RAB37: variants seen among roughly 807,000 people sequenced by gnomAD.
RAB37 encodes the protein RAB37, member RAS oncogene family.
In RAB37, 29 loss-of-function variants were observed where a neutral mutation model predicts 33.1. That is an observed-to-expected ratio of 0.88 (90% confidence interval 0.65 to 1.20). The LOEUF (loss-of-function observed/expected upper bound fraction) is 1.20. RAB37 is among the 50% of genes most tolerant of loss of function. The pLI is 0.00. For missense variants in RAB37, 299 were observed against 301.1 expected, an observed-to-expected ratio of 0.99 and a Z score of 0.05; for synonymous variants, 128 against 119.5, an observed-to-expected ratio of 1.07 and a Z score of -0.47.
intron 1 of RAB37, among the ~76,000 whole-genome samples, chr17:74,705,859 T>G (rs1275701531): frequency 4.6e-5 from 7 of 152,186 alleles, no homozygotes; most frequent in Non-Finnish European, 8.8e-5. Flanking sequence ...CCTCACAAAG[T>G]GTTGGGATTA....
rs1452370577 is a variant in RAB37, at chr17:74,729,341, C to T, written c.158C>T (p.Ser53Leu). 2.5e-6 allele frequency: 4 copies of T among 1,613,992 alleles called. No individual in the cohort carries two copies. Among genetic ancestry groups the T allele is most frequent in the Admixed American group, 3.3e-5 (2 of 60,012 alleles). ...GGCAAGTTCATCCCCGGCTCCTTCT[C>T]GGCCACTGTGGGCATCGGATTCACG... Residue 53 changes from serine (S) to leucine (L), a missense_variant, in exon 2 of 8, where the codon TCG (serine) becomes TTG (leucine). Coordinates refer to the RAB37 transcript ENST00000340415. This position sits in a 1 kb window ranked among gnomAD's most constrained non-coding sequence, Gnocchi z 4.2.
intron 1 of RAB37, among the ~76,000 whole-genome samples, chr17:74,696,968 T>C (rs897637310): frequency 2.0e-5 from 3 of 151,992 alleles, no homozygotes; most frequent in African/African-American, 7.3e-5. Context: ...TGAGATGGAG[T>C]TTCTCTCTTG....
At chr17:74,704,540 C>T in intron 1 of RAB37, 1 of 1,614,170 alleles carries the variant, frequency 6.2e-7, no homozygotes, top group Non-Finnish European at 8.5e-7. Flanking sequence ...AATTCCACAC[C>T]AGTAAGTGTC....
chr17:74,695,629 C>A, intron 1 of RAB37: 1 of 1,558,926 alleles, frequency 6.4e-7, no homozygotes, highest in Non-Finnish European at 8.8e-7. Flanking sequence ...CCTCTATGCC[C>A]ACATGAGCAG....
chr17:74,728,414 CTA>C (rs1567809689), intron 1 of RAB37, among the ~76,000 whole-genome samples: 1 of 150,324 alleles, frequency 6.7e-6, no homozygotes, highest in African/African-American at 2.4e-5. Context: ...TGTGTTCTTT[CTA>C]TGTGTGCATG....
intron 1 of RAB37, among the ~76,000 whole-genome samples, chr17:74,737,669 A>C (rs2034513550): frequency 6.6e-6 from 1 of 152,148 alleles, no homozygotes; most frequent in African/African-American, 2.4e-5. Flanking sequence ...GTGAGGGTTA[A>C]GCGCGCAACT....
intron 1 of RAB37, chr17:74,705,358 C>T (rs997583184): frequency 4.1e-5 from 27 of 658,668 alleles, no homozygotes; most frequent in East Asian, 8.3e-5. Context: ...AAAACAGCAA[C>T]GGCAACTGGT....
intron 1 of RAB37, among the ~76,000 whole-genome samples, chr17:74,725,928 T>G (rs144900433): frequency 1.5e-4 from 23 of 151,872 alleles, no homozygotes; most frequent in African/African-American, 4.6e-4. Context: ...TGTCAATAGA[T>G]TTCTAATGCT....
chr17:74,673,019 T>G (rs1384827246), intron 1 of RAB37: 1 of 152,202 alleles, frequency 6.6e-6, no homozygotes, highest in Non-Finnish European at 1.5e-5. Flanking sequence ...GTATAACAAC[T>G]ATCCCAGTCT....
intron 1 of RAB37, 30 bp from the exon 2 acceptor site, chr17:74,740,738 C>G: frequency 6.8e-7 from 1 of 1,474,010 alleles, no homozygotes; most frequent in Non-Finnish European, 9.5e-7. Context: ...CCCTGACTCC[C>G]CATTAACTGC....
intron 1 of RAB37, chr17:74,695,719 A>G: frequency 6.2e-7 from 1 of 1,614,040 alleles, no homozygotes. Context: ...CCCATGGAGG[A>G]CGCACCATGG....
rs534120632 is a variant in RAB37 at position 74,745,337 on chromosome 17, G to A, written c.598G>A (p.Asp200Asn). 1.8e-5 allele frequency: 29 copies of A among 1,614,028 alleles called. No individual in the cohort carries two copies. The highest frequency in any genetic ancestry group is 2.4e-5 in the Non-Finnish European group (28 of 1,180,048). ...GAAATACCGGGCCGGGCATCAGGCG[G>A]ATGAGCCCAGCTTCCAGATCCGAGA... ...ELKYRAGHQA[D>N]EPSFQIRDYV... Residue 200 changes from aspartate to asparagine, a missense_variant, in exon 9 of 9, where the codon GAT (aspartate) becomes AAT (asparagine). Asp to Asn is a conservative substitution (Grantham distance 23). Coordinates refer to ENST00000392613, the MANE Select transcript of RAB37 (RefSeq NM_001006638.3). This position sits in a 1 kb window ranked among gnomAD's most constrained non-coding sequence, Gnocchi z 4.5.
intron 1 of RAB37, among the ~76,000 whole-genome samples, chr17:74,713,816 A>T (rs2034106041): frequency 6.8e-6 from 1 of 146,926 alleles, no homozygotes. Context: ...TAATCTCAGC[A>T]CTTTAGGAGG....
chr17:74,704,771 C>G, intron 1 of RAB37: 4 of 1,614,118 alleles, frequency 2.5e-6, no homozygotes, highest in Non-Finnish European at 3.4e-6. Flanking sequence ...CCGCTCCAAG[C>G]CATTCACTGT....
In RAB37 at chr17:74,677,023, G is replaced by A. The variant is rs184965776; in HGVS notation, c.72+5365G>A. ...AAATTAGTCAGCCGTGGTGGTGCAC[G>A]CCTGAAATCCCAGCTACTCAGGAGG... On this transcript the variant is annotated intron_variant, in intron 1 of 7. Transcript: ENST00000340415. Among the ~76,000 whole-genome samples, 68 of 152,068 alleles carry A rather than the reference G, an allele frequency of 4.5e-4. 1 individual carries two copies. In the South Asian group the frequency reaches 4.6e-3, roughly 10 times the overall value.
intron 1 of RAB37, among the ~76,000 whole-genome samples, chr17:74,688,271 C>T (rs142913527): frequency 3.2e-4 from 48 of 152,160 alleles, no homozygotes; most frequent in Middle Eastern, 3.4e-3. Flanking sequence ...AGGAATTGGC[C>T]GGGCGTGGTG....
At position 74,729,112 on chromosome 17, in the gene RAB37, CTT is replaced by C. The variant is rs1491498013; in HGVS notation, c.73-143_73-142del. Reference sequence around the variant, plus strand: ...TATGTCTGTATGTGTGTGTCAGTGTCTTGTGTGTGTGTGTTTCTGTGTGTGTG... The same window carrying C: ...TATGTCTGTATGTGTGTGTCAGTGTCGTGTGTGTGTGTTTCTGTGTGTGTG... On this transcript the variant is annotated intron_variant, in intron 1 of 7. Transcript: ENST00000340415. This position sits in a 1 kb window ranked among gnomAD's most constrained non-coding sequence, Gnocchi z 4.2. The C allele has an allele frequency of 1.5e-6, 1 of 668,076 alleles. No homozygotes were observed. Among genetic ancestry groups the C allele is most frequent in the South Asian group, 1.6e-5 (1 of 61,032 alleles). 41.4% of individuals were successfully genotyped at this position (668,076 alleles called of 1,614,324 possible).
At position 74,715,253 on chromosome 17, in the gene RAB37, C is replaced by T. The variant is rs566372462; in HGVS notation, c.73-14003C>T. On this transcript the variant is annotated intron_variant, in intron 1 of 7. Coordinates refer to the RAB37 transcript ENST00000340415. ...CAAGGGAGTGAGTCTCAAAGAGGGA[C>T]GCAACCCCCTCACACCCTAATCAGG... is the stretch of plus-strand genomic sequence containing the variant. Among the ~76,000 whole-genome samples, 16 of 152,322 alleles carry T rather than the reference C, an allele frequency of 1.1e-4. No individual in the cohort carries two copies. In the South Asian group the frequency reaches 2.3e-3, roughly 22 times the overall value.
chr17:74,737,044 C>A (rs569982744), upstream of RAB37: 393 of 1,608,896 alleles, frequency 2.4e-4, 4 homozygotes, highest in East Asian at 8.7e-3. Flanking sequence ...GGAGCCGAGC[C>A]GGTGTTGCTC....
Sources: allele counts gnomAD v4.1 joint callset (sites outside exome capture counted in the v4.1 genomes callset), GRCh38; gene constraint gnomAD v4.1.1; non-coding constraint Gnocchi (gnomAD v3.1); transcripts MANE v1.5; gene names NCBI Gene and HGNC (gene_info 2026-07-23, HGNC 2026-07-21).